CRACR2A: variants seen among roughly 807,000 people sequenced by gnomAD.
CRACR2A encodes the protein calcium release activated channel regulator 2A.
A neutral mutation model predicts 90.5 loss-of-function variants in CRACR2A; 79 were observed. That is an observed-to-expected ratio of 0.87 (90% confidence interval 0.73 to 1.05). The LOEUF (loss-of-function observed/expected upper bound fraction) is 1.05. Among genes scored for constraint, CRACR2A ranks in the 50% least tolerant of loss-of-function variants. The pLI is 0.00. For missense variants in CRACR2A, 823 were observed against 897.2 expected, an observed-to-expected ratio of 0.92 and a Z score of 1.06; for synonymous variants, 338 against 356.7, an observed-to-expected ratio of 0.95 and a Z score of 0.59.
At chr12:3,642,444 G>A (rs1944592029) in intron 12 of CRACR2A, among the ~76,000 whole-genome samples, 1 of 152,100 alleles carries the variant, frequency 6.6e-6, no homozygotes, top group South Asian at 2.1e-4. Flanking sequence ...TGAATTCTTG[G>A]CCTTAAGTGA....
rs373563045 is a variant in CRACR2A at position 3,633,708 on chromosome 12, C to G, written c.1631G>C (p.Arg544Pro). 6.4e-7 allele frequency: 1 copy of G among 1,551,612 alleles called. No homozygotes were observed. The highest frequency in any genetic ancestry group is 2.0e-5 in the Admixed American group (1 of 50,984). ...GCCCACGAACACAATCTTGAAGAGC[C>G]GGTCAGGGGCAGAGGGAGAGCTTTC... The part of the protein sequence containing the change: ...KEESSPSAPD[R>P]LFKIVFVGNS... The change falls in exon 15 of 20, where the codon CGG becomes CCG. Residue 544 changes from arginine to proline, a missense_variant. Arg to Pro is a moderately radical substitution (Grantham distance 103). Coordinates refer to ENST00000440314, the MANE Select transcript of CRACR2A (RefSeq NM_001144958.2). This position sits in a 1 kb window ranked among gnomAD's most constrained non-coding sequence, Gnocchi z 4.5.
intron 4 of CRACR2A, among the ~76,000 whole-genome samples, chr12:3,685,114 T>C (rs896316233): frequency 2.6e-5 from 4 of 152,206 alleles, no homozygotes; most frequent in Non-Finnish European, 4.4e-5. Context: ...ATTGGTGTAG[T>C]TGTGAACATG....
chr12:3,652,540 A>C (rs1341251900), intron 10 of CRACR2A, among the ~76,000 whole-genome samples: 1 of 152,160 alleles, frequency 6.6e-6, no homozygotes, highest in Non-Finnish European at 1.5e-5. Context: ...ACCCCAGGCA[A>C]TTAGTGCCAA....
chr12:3,690,349 G>A (rs535235388), intron 4 of CRACR2A, among the ~76,000 whole-genome samples: 1 of 152,254 alleles, frequency 6.6e-6, no homozygotes, highest in African/African-American at 2.4e-5. Flanking sequence ...AGATATTCTG[G>A]TATGTTGTAT....
At chr12:3,666,354 T>TGTGTGTGTGTGTGTGCGC (rs372810487) in intron 7 of CRACR2A, among the ~76,000 whole-genome samples, 7 of 144,966 alleles carry the variant, frequency 4.8e-5, no homozygotes, top group African/African-American at 2.0e-4. Context: ...TGTGTGTGTG[T>TGTGTGTGTGTGTGTGCGC]GCGTGCGTGT....
chr12:3,737,700 G>T (rs73247899), intron 1 of CRACR2A, among the ~76,000 whole-genome samples: 22,003 of 152,094 alleles, frequency 0.14, 1,737 homozygotes, highest in Middle Eastern at 0.17. Context: ...TGTAGTAAGT[G>T]GGGGGAAGGA....
At chr12:3,719,792 T>C (rs1384386925) in intron 2 of CRACR2A, among the ~76,000 whole-genome samples, 1 of 152,184 alleles carries the variant, frequency 6.6e-6, no homozygotes, top group Non-Finnish European at 1.5e-5. Context: ...CCTGCTGCCA[T>C]CCACACCAAT....
At chr12:3,637,940 C>T (rs762043690) in intron 14 of CRACR2A, among the ~76,000 whole-genome samples, 184 bp downstream of exon 14, 2 of 152,182 alleles carry the variant, frequency 1.3e-5, no homozygotes, top group Non-Finnish European at 2.9e-5. Context: ...ATCAGGACCC[C>T]TGAGTCTCCC....
chr12:3,747,828 C>T (rs914837238), intron 1 of CRACR2A, among the ~76,000 whole-genome samples: 12 of 152,228 alleles, frequency 7.9e-5, no homozygotes, highest in Non-Finnish European at 1.5e-4. Flanking sequence ...TCTCACCCTT[C>T]TCACCTTTCC....
chr12:3,729,186 C>CA (rs1290588869), intron 2 of CRACR2A: 1 of 152,168 alleles, frequency 6.6e-6, no homozygotes, highest in Non-Finnish European at 1.5e-5. Context: ...AGCAAAAGGG[C>CA]AGGGGAGCCA....
intron 2 of CRACR2A, among the ~76,000 whole-genome samples, chr12:3,723,314 T>A (rs1946211394): frequency 6.6e-6 from 1 of 152,146 alleles, no homozygotes; most frequent in Non-Finnish European, 1.5e-5. Context: ...GCTTCTCTAA[T>A]GGTGCTTGCT....
intron 4 of CRACR2A, among the ~76,000 whole-genome samples, chr12:3,687,604 G>A (rs1373014930): frequency 1.3e-5 from 2 of 152,190 alleles, no homozygotes; most frequent in Admixed American, 6.5e-5. Flanking sequence ...CCATTGATGG[G>A]CATTTAGGTT....
intron 3 of CRACR2A, among the ~76,000 whole-genome samples, chr12:3,708,076 A>G (rs1357065453): frequency 1.3e-5 from 2 of 152,170 alleles, no homozygotes; most frequent in Admixed American, 1.3e-4. Flanking sequence ...ACCCTCCCTC[A>G]GCATCCGTGT....
In CRACR2A at chr12:3,746,497, A is replaced by G. The variant is rs986879877; in HGVS notation, c.-387+6518T>C. On this transcript the variant is annotated intron_variant, in intron 1 of 19. Coordinates refer to ENST00000440314, the MANE Select transcript of CRACR2A (RefSeq NM_001144958.2). The surrounding 1 kb of genome is among the most constrained non-coding windows in gnomAD (Gnocchi z 4.4). ...AAAAGAAAGTGGCTTTCTGCAAGCCAAGGAGAGAACCTTCACCCACCAAAC... is the reference window on the plus strand; with the variant it reads ...AAAAGAAAGTGGCTTTCTGCAAGCCGAGGAGAGAACCTTCACCCACCAAAC... 6.6e-6 allele frequency among the ~76,000 whole-genome samples: 1 copy of G among 152,040 alleles called. No individual in the cohort carries two copies. The highest frequency in any genetic ancestry group is 2.4e-5 in the African/African-American group (1 of 41,390).
At chr12:3,736,800 G>T (rs1946456959) in intron 1 of CRACR2A, among the ~76,000 whole-genome samples, 1 of 152,196 alleles carries the variant, frequency 6.6e-6, no homozygotes, top group African/African-American at 2.4e-5. Flanking sequence ...CTGACAGCAG[G>T]TTCAAATGTT....
chr12:3,628,596 T>C (rs557704815), intron 15 of CRACR2A, among the ~76,000 whole-genome samples: 82 of 152,304 alleles, frequency 5.4e-4, no homozygotes, highest in African/African-American at 2.0e-3. Context: ...GCAGCCCTCA[T>C]AGGTCAGGAC....
intron 18 of CRACR2A, among the ~76,000 whole-genome samples, chr12:3,617,328 T>C (rs1867709322): frequency 6.6e-6 from 1 of 152,224 alleles, no homozygotes; most frequent in Non-Finnish European, 1.5e-5. Flanking sequence ...AGTACACACA[T>C]GCTCATTCCA....
intron 4 of CRACR2A, among the ~76,000 whole-genome samples, chr12:3,690,928 T>C (rs533101030): frequency 3.9e-5 from 6 of 152,240 alleles, no homozygotes; most frequent in Non-Finnish European, 7.3e-5. Flanking sequence ...CTTCTTTGTC[T>C]TTCTTGGTTT....
chr12:3,713,616 GC>G (rs1946039849), intron 2 of CRACR2A, among the ~76,000 whole-genome samples: 1 of 152,072 alleles, frequency 6.6e-6, no homozygotes, highest in Non-Finnish European at 1.5e-5. Flanking sequence ...ATTGGACACT[GC>G]CCCCCTGCCC....
Sources: gnomAD v4.1 joint callset for allele counts (sites outside exome capture counted in the v4.1 genomes callset) on GRCh38, gnomAD v4.1.1 for gene constraint, Gnocchi (gnomAD v3.1) non-coding constraint, MANE v1.5 for transcripts, NCBI Gene and HGNC (gene_info 2026-07-23, HGNC 2026-07-21) for gene names.